HS6ST3: variants seen among roughly 807,000 people sequenced by gnomAD.
The protein encoded by HS6ST3 is heparan sulfate 6-O-sulfotransferase 3, also known as heparan-sulfate 6-O-sulfotransferase 3.
In HS6ST3, 12 loss-of-function variants were observed where a neutral mutation model predicts 36.7. That is an observed-to-expected ratio of 0.33 (90% CI 0.21 to 0.53). HS6ST3 has a LOEUF of 0.53. Ranked by LOEUF, HS6ST3 falls within the 20% of genes least tolerant of loss-of-function variation. The pLI, the probability that HS6ST3 is intolerant of heterozygous loss-of-function variation, is 0.95. For synonymous variants in HS6ST3, 240 were observed against 257.5 expected (o/e 0.93, Z 0.65); for missense variants, 584 against 640.9 (o/e 0.91, Z 0.96).
chr13:96,399,714 C>G (rs1331824433), intron 1 of HS6ST3, among the ~76,000 whole-genome samples: 1 of 152,236 alleles, frequency 6.6e-6, no homozygotes, highest in Non-Finnish European at 1.5e-5. Flanking sequence ...CCCATGTACA[C>G]TGGCTGGTGC....
chr13:96,828,059 C>T (rs988234589), intron 1 of HS6ST3, among the ~76,000 whole-genome samples: 1 of 152,158 alleles, frequency 6.6e-6, no homozygotes, highest in Non-Finnish European at 1.5e-5. Context: ...CCCTGCTGAC[C>T]TTTTGGGAAA....
chr13:96,142,953 T>C (rs570422852), intron 1 of HS6ST3, among the ~76,000 whole-genome samples: 3 of 152,254 alleles, frequency 2.0e-5, no homozygotes, highest in East Asian at 1.9e-4. Flanking sequence ...GAGAGCTTAA[T>C]TGTATTTAAA....
At chr13:96,688,801 C>T (rs1246207362) in intron 1 of HS6ST3, among the ~76,000 whole-genome samples, 1 of 152,020 alleles carries the variant, frequency 6.6e-6, no homozygotes, top group African/African-American at 2.4e-5. Context: ...CTTCATCCAC[C>T]CAGTGTGGTT....
chr13:96,540,267 T>G (rs1480588858), intron 1 of HS6ST3, among the ~76,000 whole-genome samples: 2 of 152,228 alleles, frequency 1.3e-5, no homozygotes, highest in East Asian at 3.8e-4. Flanking sequence ...TGTTTTATAT[T>G]TATTTCTTGT....
Position 96,090,751 on chromosome 13 carries a change from G to T in HS6ST3, c.-112G>T. On this transcript the variant is annotated 5_prime_UTR_variant, in exon 1 of 2. It introduces an in-frame stop codon into an upstream open reading frame of the 5' UTR. Transcript: ENST00000376705. ...ACGCCTCGGCGTCAGGGGCATGGAGGAACGGCGGGCTCCGAGCCGCGCCCC... is the reference window on the plus strand; with the variant it reads ...ACGCCTCGGCGTCAGGGGCATGGAGTAACGGCGGGCTCCGAGCCGCGCCCC... 1 of 824,230 alleles carries T rather than the reference G, an allele frequency of 1.2e-6. No individual in the cohort carries two copies. The highest frequency in any genetic ancestry group is 1.6e-6 in the Non-Finnish European group (1 of 617,598). The allele number at this position is 824,230 out of a possible 1,614,324, so 51.1% of individuals were successfully genotyped here.
At chr13:96,731,788 T>C (rs1351020925) in intron 1 of HS6ST3, among the ~76,000 whole-genome samples, 2 of 152,038 alleles carry the variant, frequency 1.3e-5, no homozygotes, top group Non-Finnish European at 2.9e-5. Flanking sequence ...CCCTGGTAGC[T>C]GGGACTACAG....
chr13:96,544,614 G>T (rs763551443), intron 1 of HS6ST3, among the ~76,000 whole-genome samples: 1 of 152,148 alleles, frequency 6.6e-6, no homozygotes, highest in Non-Finnish European at 1.5e-5. Flanking sequence ...TTATTATTAT[G>T]ATCTTTGTGA....
At position 96,402,302 on chromosome 13, in the gene HS6ST3, T is replaced by C. The variant is rs575209220; in HGVS notation, c.707+310733T>C. On this transcript the variant is annotated intron_variant, in intron 1 of 1. Coordinates refer to ENST00000376705, the MANE Select transcript of HS6ST3 (RefSeq NM_153456.4). Reference sequence around the variant, plus strand: ...TAACAATAGCACTTACCTCATAAAATTGTAATGAGGATTAAGTTGGATAAT... The same window carrying C: ...TAACAATAGCACTTACCTCATAAAACTGTAATGAGGATTAAGTTGGATAAT... 5.3e-5 allele frequency among the ~76,000 whole-genome samples: 8 copies of C among 152,346 alleles called. No individual in the cohort carries two copies. The South Asian group carries it at 8.3e-4, about 16-fold the overall frequency.
chr13:96,108,261 C>T (rs1302076331), intron 1 of HS6ST3, among the ~76,000 whole-genome samples: 1 of 152,168 alleles, frequency 6.6e-6, no homozygotes, highest in African/African-American at 2.4e-5. Flanking sequence ...ACCCTAGTCT[C>T]CTGTAGCGCC....
chr13:96,753,622 T>C (rs1263908202), intron 1 of HS6ST3, among the ~76,000 whole-genome samples: 3 of 152,200 alleles, frequency 2.0e-5, no homozygotes, highest in Non-Finnish European at 4.4e-5. Context: ...TCTTTATAGA[T>C]AATTATATCT....
At chr13:96,310,756 G>A (rs969898729) in intron 1 of HS6ST3, among the ~76,000 whole-genome samples, 3 of 150,736 alleles carry the variant, frequency 2.0e-5, no homozygotes, top group Non-Finnish European at 4.4e-5. Context: ...CTGCATCCAC[G>A]TACTCCTTTA....
chr13:96,148,188 C>A (rs2054067235), intron 1 of HS6ST3, among the ~76,000 whole-genome samples: 1 of 152,188 alleles, frequency 6.6e-6, no homozygotes, highest in Admixed American at 6.5e-5. Flanking sequence ...AGCAACTTAA[C>A]TCTTGTTTAT....
chr13:96,191,383 T>G (rs2139345820), intron 1 of HS6ST3, among the ~76,000 whole-genome samples: 1 of 152,362 alleles, frequency 6.6e-6, no homozygotes. Flanking sequence ...ACAGTCCTAC[T>G]GTGCTACAGT....
intron 1 of HS6ST3, among the ~76,000 whole-genome samples, chr13:96,429,030 C>G (rs2055601426): frequency 6.6e-6 from 1 of 152,118 alleles, no homozygotes; most frequent in Non-Finnish European, 1.5e-5. Flanking sequence ...GGTGATGTTG[C>G]AAGATATTTA....
chr13:96,781,588 A>G (rs1877529369), intron 1 of HS6ST3, among the ~76,000 whole-genome samples: 1 of 152,226 alleles, frequency 6.6e-6, no homozygotes, highest in African/African-American at 2.4e-5. Context: ...AAAGGCATGT[A>G]CTATAAAAAT....
chr13:96,365,117 C>G (rs1320367397), intron 1 of HS6ST3, among the ~76,000 whole-genome samples: 1 of 152,156 alleles, frequency 6.6e-6, no homozygotes, highest in Non-Finnish European at 1.5e-5. Flanking sequence ...CTCTGTTTTG[C>G]TAGGTCAGGT....
chr13:96,580,614 GA>G (rs1452332192), intron 1 of HS6ST3, among the ~76,000 whole-genome samples: 14 of 152,036 alleles, frequency 9.2e-5, no homozygotes, highest in African/African-American at 1.4e-4. Flanking sequence ...TGTGTGGAAA[GA>G]TTTTTTTGAT....
intron 1 of HS6ST3, among the ~76,000 whole-genome samples, chr13:96,768,070 G>A (rs748008343): frequency 3.3e-5 from 5 of 152,140 alleles, no homozygotes; most frequent in African/African-American, 1.2e-4. Context: ...TTTCTTTTCT[G>A]TCTTCTCATT....
intron 1 of HS6ST3, among the ~76,000 whole-genome samples, chr13:96,806,205 A>C (rs1028976864): frequency 6.6e-6 from 1 of 152,320 alleles, no homozygotes; most frequent in East Asian, 1.9e-4. Flanking sequence ...CACCCAGAGA[A>C]TATCCTTGGG....
Sources: allele counts gnomAD v4.1 joint callset (sites outside exome capture counted in the v4.1 genomes callset), GRCh38; gene constraint gnomAD v4.1.1; transcripts MANE v1.5; gene names NCBI Gene and HGNC (gene_info 2026-07-23, HGNC 2026-07-21).